The following NRXN1 variants were observed in gnomAD, a reference collection of about 807,000 sequenced individuals.
NRXN1 encodes the protein neurexin-1.
A neutral mutation model predicts 150.9 loss-of-function variants in NRXN1; 39 were observed. The ratio of observed to expected loss-of-function variants is 0.26; its 90% CI spans 0.20 to 0.34. The LOEUF (loss-of-function observed/expected upper bound fraction) is 0.34, where lower values mean the gene tolerates loss of function less well. Ranked by LOEUF, NRXN1 falls within the 10% of genes least tolerant of loss-of-function variation. NRXN1 has a pLI of 1.00. For synonymous variants in NRXN1, 924 were observed against 757.0 expected, an observed-to-expected ratio of 1.22 and a Z score of -3.62; for missense variants, 1,815 against 1,949.9, an observed-to-expected ratio of 0.93 and a Z score of 1.30.
At chr2:50,962,509 A>T (rs913838500) in intron 2 of NRXN1, among the ~76,000 whole-genome samples, 2 of 113,708 alleles carry the variant, frequency 1.8e-5, no homozygotes, top group African/African-American at 7.3e-5. Flanking sequence ...TCACAGAGCC[A>T]AGTGCTTGGT....
At chr2:50,456,823 G>A (rs2087609739) in intron 17 of NRXN1, among the ~76,000 whole-genome samples, 2 of 151,848 alleles carry the variant, frequency 1.3e-5, no homozygotes, top group South Asian at 4.2e-4. Context: ...ACCTTCATAG[G>A]CCACACTAAT....
At chr2:49,982,620 T>C (rs944451726) in intron 21 of NRXN1, among the ~76,000 whole-genome samples, 4 of 152,144 alleles carry the variant, frequency 2.6e-5, no homozygotes, top group Admixed American at 1.3e-4. Context: ...TAATTTTCTT[T>C]GGTTTTATAA....
chr2:50,620,479 A>G (rs1335380619), intron 7 of NRXN1, among the ~76,000 whole-genome samples: 1 of 152,164 alleles, frequency 6.6e-6, no homozygotes, highest in African/African-American at 2.4e-5. Flanking sequence ...CTCAAAAGTT[A>G]TTGAGCAGAC....
chr2:50,136,487 C>G (rs1266051278), intron 18 of NRXN1, among the ~76,000 whole-genome samples: 1 of 152,130 alleles, frequency 6.6e-6, no homozygotes, highest in Admixed American at 6.5e-5. Context: ...AATTTTGTCT[C>G]TAATATCACA....
intron 8 of NRXN1, among the ~76,000 whole-genome samples, chr2:50,610,656 T>C (rs1053917930): frequency 9.1e-6 from 1 of 109,708 alleles, no homozygotes; most frequent in East Asian, 3.8e-4. Flanking sequence ...TATATATATA[T>C]ATATATATAT....
chr2:50,940,613 A>T (rs140837491), intron 2 of NRXN1, among the ~76,000 whole-genome samples: 3 of 152,186 alleles, frequency 2.0e-5, no homozygotes, highest in Admixed American at 6.5e-5. Context: ...TAAGAAGCAG[A>T]CTTCAGATAA....
chr2:50,148,244 G>T (rs1412638029), intron 18 of NRXN1, among the ~76,000 whole-genome samples: 1 of 151,484 alleles, frequency 6.6e-6, no homozygotes, highest in African/African-American at 2.4e-5. Context: ...GGACTCTAGA[G>T]GCAACAGCTC....
At chr2:50,953,091 A>T (rs1010969415) in intron 2 of NRXN1, among the ~76,000 whole-genome samples, 1 of 152,288 alleles carries the variant, frequency 6.6e-6, no homozygotes, top group Admixed American at 6.5e-5. Context: ...GAGATTTAAG[A>T]AGTAGACTCT....
At chr2:50,743,429 T>G (rs1438048282) in intron 5 of NRXN1, among the ~76,000 whole-genome samples, 1 of 152,128 alleles carries the variant, frequency 6.6e-6, no homozygotes, top group African/African-American at 2.4e-5. Context: ...TGAGACAATT[T>G]TGTGCCTCAA....
At chr2:50,757,713 T>C (rs1701318548) in intron 5 of NRXN1, among the ~76,000 whole-genome samples, 2 of 151,854 alleles carry the variant, frequency 1.3e-5, no homozygotes, top group East Asian at 4.0e-4. Context: ...AGCGTGATAG[T>C]CTTTGATTGG....
chr2:50,688,476 G>T (rs557915933), intron 5 of NRXN1, among the ~76,000 whole-genome samples: 23 of 152,114 alleles, frequency 1.5e-4, no homozygotes, highest in African/African-American at 5.5e-4. Flanking sequence ...CATTTTAAAA[G>T]AATTTCACCT....
intron 17 of NRXN1, among the ~76,000 whole-genome samples, chr2:50,366,371 C>T (rs768364291): frequency 6.6e-6 from 1 of 151,802 alleles, no homozygotes; most frequent in African/African-American, 2.4e-5. Flanking sequence ...ACTGTTCAGT[C>T]GTAATATTTT....
chr2:50,797,852 ATTCT>A (rs1168551172), intron 5 of NRXN1, among the ~76,000 whole-genome samples: 3 of 152,204 alleles, frequency 2.0e-5, no homozygotes, highest in African/African-American at 7.2e-5. Flanking sequence ...AGAAACTGTC[ATTCT>A]AAGACAAACT....
At chr2:50,770,147 TATA>T (rs1429511532) in intron 5 of NRXN1, among the ~76,000 whole-genome samples, 2 of 152,192 alleles carry the variant, frequency 1.3e-5, no homozygotes, top group Non-Finnish European at 2.9e-5. Flanking sequence ...GAAATAACAT[TATA>T]ATAATATTGC....
intron 5 of NRXN1, among the ~76,000 whole-genome samples, chr2:50,743,844 A>C (rs969380698): frequency 3.3e-5 from 5 of 152,182 alleles, no homozygotes; most frequent in African/African-American, 1.2e-4. Context: ...ATTTGATCAC[A>C]CATTTCTGAA....
chr2:51,030,358 G>C (rs1671299824), intron 1 of NRXN1, among the ~76,000 whole-genome samples: 1 of 151,700 alleles, frequency 6.6e-6, no homozygotes, highest in Admixed American at 6.6e-5. Flanking sequence ...CTTACAAGCT[G>C]AAACTAGCAG....
At chr2:50,540,433 A>C (rs1313998288) in intron 9 of NRXN1, among the ~76,000 whole-genome samples, 1 of 152,182 alleles carries the variant, frequency 6.6e-6, no homozygotes, top group Non-Finnish European at 1.5e-5. Flanking sequence ...TTCTATTTCA[A>C]ATGGAACGAT....
chr2:50,703,043 G>A (rs858933), intron 5 of NRXN1, among the ~76,000 whole-genome samples: 56,258 of 151,854 alleles, frequency 0.37, 10,601 homozygotes, highest in Non-Finnish European at 0.41. Flanking sequence ...AAAAACTGGT[G>A]ACAGTCTCAA....
At chr2:50,361,811 G>T (rs1204014601) in intron 17 of NRXN1, among the ~76,000 whole-genome samples, 1 of 152,072 alleles carries the variant, frequency 6.6e-6, no homozygotes, top group Non-Finnish European at 1.5e-5. Context: ...GAAAATTTCA[G>T]GCCAATATCC....
Sources: allele counts gnomAD v4.1 joint callset (sites outside exome capture counted in the v4.1 genomes callset), GRCh38; gene constraint gnomAD v4.1.1; transcripts MANE v1.5; gene names NCBI Gene and HGNC (gene_info 2026-07-23, HGNC 2026-07-21).